The following SNX13 variants were observed in gnomAD, a reference collection of about 807,000 sequenced individuals.
The protein encoded by SNX13 is sorting nexin-13.
Under a neutral mutation model 133.6 loss-of-function variants are expected in SNX13, and 45 were observed. That is an observed-to-expected ratio of 0.34 (90% confidence interval 0.27 to 0.43). The LOEUF is 0.43. SNX13 is among the 20% of genes least tolerant of loss of function. SNX13 has a pLI of 1.00. For missense variants in SNX13, 1,032 were observed against 1,145.1 expected (o/e 0.90, Z 1.43); for synonymous variants, 414 against 373.9 (o/e 1.11, Z -1.24).
intron 9 of SNX13, among the ~76,000 whole-genome samples, chr7:17,862,380 T>C (rs1235510474): frequency 6.6e-6 from 1 of 152,192 alleles, no homozygotes; most frequent in Non-Finnish European, 1.5e-5. Context: ...TGCATGTAAG[T>C]TTCTACCGCT....
intron 24 of SNX13, 118 bp from the exon 25 acceptor site, chr7:17,797,057 G>A (rs1784134067): frequency 1.3e-6 from 1 of 756,428 alleles, no homozygotes; most frequent in Non-Finnish European, 2.2e-6. Flanking sequence ...AAAAGTTTCT[G>A]AATAATAACA....
At chr7:17,883,288 A>G (rs1382874063) in intron 5 of SNX13, among the ~76,000 whole-genome samples, 1 of 152,230 alleles carries the variant, frequency 6.6e-6, no homozygotes, top group East Asian at 1.9e-4. Context: ...TTTCAGGAGT[A>G]CAAAAAACAA....
chr7:17,893,562 T>G, intron 2 of SNX13, 128 bp from the exon 3 acceptor site: 1 of 617,692 alleles, frequency 1.6e-6, no homozygotes, highest in Non-Finnish European at 2.8e-6. Context: ...ATTTGTGACT[T>G]TGGCAAAGCA....
At chr7:17,915,125 A>G (rs184999159) in intron 1 of SNX13, among the ~76,000 whole-genome samples, 104 of 152,362 alleles carry the variant, frequency 6.8e-4, no homozygotes, top group African/African-American at 2.4e-3. Context: ...AAGGACAAAG[A>G]AGAGCATTAT....
chr7:17,932,228 C>T (rs1801459935), intron 1 of SNX13, among the ~76,000 whole-genome samples: 1 of 152,004 alleles, frequency 6.6e-6, no homozygotes, highest in Non-Finnish European at 1.5e-5. Context: ...AATCCAAGTC[C>T]CTCTTGCATT....
At chr7:17,829,817 T>A (rs1461702024) in intron 16 of SNX13, among the ~76,000 whole-genome samples, 193 bp downstream of exon 16, 9 of 151,274 alleles carry the variant, frequency 5.9e-5, no homozygotes, top group Admixed American at 5.9e-4. Context: ...AAAGATAAAA[T>A]ATAATTTTTA....
At chr7:17,801,024 A>ATATATATATATATATATGTG (rs1562652108) in intron 22 of SNX13, among the ~76,000 whole-genome samples, 1 of 16,264 alleles carries the variant, frequency 6.1e-5, no homozygotes, top group African/African-American at 1.5e-4. Context: ...ATATATATAT[A>ATATATATATATATATATGTG]TATATATATA....
chr7:17,921,279 CTTG>C (rs966308772), intron 1 of SNX13, among the ~76,000 whole-genome samples: 20 of 152,178 alleles, frequency 1.3e-4, no homozygotes, highest in Non-Finnish European at 2.9e-4. Flanking sequence ...CCCACTAAGC[CTTG>C]TTATCCTTGT....
At chr7:17,800,177 C>A (rs1270807820) in intron 22 of SNX13, among the ~76,000 whole-genome samples, 3 of 151,660 alleles carry the variant, frequency 2.0e-5, no homozygotes, top group Non-Finnish European at 4.4e-5. Context: ...ACTGTAAAAA[C>A]CACATACCAA....
intron 12 of SNX13, among the ~76,000 whole-genome samples, chr7:17,843,062 A>C (rs1457083753): frequency 6.6e-6 from 1 of 152,060 alleles, no homozygotes; most frequent in African/African-American, 2.4e-5. Flanking sequence ...AAAACAAATA[A>C]CAAGATGACA....
chr7:17,839,643 AC>A (rs1209949824), intron 13 of SNX13, among the ~76,000 whole-genome samples, 163 bp downstream of exon 13: 1 of 151,990 alleles, frequency 6.6e-6, no homozygotes, highest in Non-Finnish European at 1.5e-5. Context: ...GACTGGCTAA[AC>A]ATCAGAATCT....
At chr7:17,905,373 G>A (rs918791300) in intron 1 of SNX13, among the ~76,000 whole-genome samples, 1 of 152,084 alleles carries the variant, frequency 6.6e-6, no homozygotes, top group African/African-American at 2.4e-5. Flanking sequence ...ATGCTCAGAA[G>A]CTAAAAAGGT....
chr7:17,875,613 G>A (rs918627253), intron 6 of SNX13, 32 bp from the exon 7 acceptor site: 1 of 1,608,096 alleles, frequency 6.2e-7, no homozygotes, highest in Non-Finnish European at 8.5e-7. Flanking sequence ...TATATAAAAT[G>A]ATGAAAGGAA....
intron 1 of SNX13, among the ~76,000 whole-genome samples, chr7:17,937,041 G>C (rs1044371468): frequency 5.2e-5 from 7 of 134,776 alleles, no homozygotes; most frequent in African/African-American, 1.9e-4. Context: ...AAACTAGCTA[G>C]ACGTTACATA....
intron 11 of SNX13, 37 bp downstream of exon 11, chr7:17,850,306 GTATT>G (rs1330172287): frequency 7.4e-7 from 1 of 1,352,854 alleles, no homozygotes; most frequent in South Asian, 1.3e-5. Flanking sequence ...CTATAGTATA[GTATT>G]TATAACTAAA....
intron 24 of SNX13, among the ~76,000 whole-genome samples, chr7:17,798,465 G>A (rs1784287084): frequency 6.6e-6 from 1 of 151,810 alleles, no homozygotes; most frequent in Admixed American, 6.6e-5. Flanking sequence ...CCTATCATTT[G>A]AAAGATCTTT....
rs1784655467 is a variant in SNX13 at position 17,801,623 on chromosome 7, C to T, written c.2263G>A (p.Glu755Lys). The T allele has an allele frequency of 8.1e-6, 13 of 1,609,350 alleles. No homozygotes were observed. The highest frequency in any genetic ancestry group is 1.1e-5 in the Non-Finnish European group (13 of 1,177,832). ...PLIPKTDSDP[E>K]HRRVSAQLDD... ...AGTTGAGCCGAAACTCGGCGATGTTCAGGGTCTGAATCAGTCTTAGGAATT... is the reference window on the plus strand; with the variant it reads ...AGTTGAGCCGAAACTCGGCGATGTTTAGGGTCTGAATCAGTCTTAGGAATT... The change falls in exon 22 of 26, where the codon GAA (glutamate) becomes AAA (lysine). Residue 755 changes from glutamate (E) to lysine (K), a missense_variant. Glu to Lys is a moderately conservative substitution (Grantham distance 56). Coordinates refer to ENST00000428135, the MANE Select transcript of SNX13 (RefSeq NM_015132.5).
Position 17,791,426 on chromosome 7 carries a change from T to A in SNX13, c.*2619A>T, listed in dbSNP as rs1228224966. On this transcript the variant is annotated 3_prime_UTR_variant, in exon 26 of 26. Transcript: ENST00000428135. ...ATTAAGGCTAACCAAGTGCATCCAT[T>A]GGTCAATGGCACAATTGATTTCAGC... 6.6e-6 allele frequency: 1 copy of A among 151,736 alleles called. No individual in the cohort carries two copies. Among genetic ancestry groups the A allele is most frequent in the Non-Finnish European group, 1.5e-5 (1 of 67,788 alleles). The allele number at this position is 151,736 out of a possible 1,614,324, so 9.4% of individuals were successfully genotyped here.
chr7:17,837,962 G>A (rs535532343), intron 13 of SNX13, among the ~76,000 whole-genome samples: 101 of 151,512 alleles, frequency 6.7e-4, no homozygotes, highest in African/African-American at 2.3e-3. Context: ...CTCTTTTCTA[G>A]GCTGCTTTTG....
Sources: allele counts gnomAD v4.1 joint callset (sites outside exome capture counted in the v4.1 genomes callset), GRCh38; gene constraint gnomAD v4.1.1; transcripts MANE v1.5; gene names NCBI Gene and HGNC (gene_info 2026-07-23, HGNC 2026-07-21).